Variants in PLEKHG7 observed in about 807,000 individuals in gnomAD.
PLEKHG7 encodes pleckstrin homology and RhoGEF domain containing G7.
In PLEKHG7, 77 loss-of-function variants were observed where a neutral mutation model predicts 85.2. The observed-to-expected ratio is 0.90, with a 90% confidence interval of 0.75 to 1.09. PLEKHG7 has a LOEUF of 1.09. Among genes scored for constraint, PLEKHG7 ranks in the 50% least tolerant of loss-of-function variants. The pLI, the probability that PLEKHG7 is intolerant of heterozygous loss-of-function variation, is 0.00. For synonymous variants in PLEKHG7, 301 were observed against 302.4 expected (o/e 1.00, Z 0.05); for missense variants, 777 against 804.3 (o/e 0.97, Z 0.41).
chr12:92,728,531 G>T (rs1871890441), intron 3 of PLEKHG7, among the ~76,000 whole-genome samples: 1 of 148,962 alleles, frequency 6.7e-6, no homozygotes, highest in Non-Finnish European at 1.5e-5. Context: ...ATCCCATGGT[G>T]TATATATAAA....
intron 1 of PLEKHG7, among the ~76,000 whole-genome samples, 179 bp downstream of exon 1, chr12:92,703,311 T>C (rs1871137377): frequency 6.6e-6 from 1 of 152,206 alleles, no homozygotes; most frequent in Non-Finnish European, 1.5e-5. Context: ...ACAGTGTGGG[T>C]GGGTGTTTGC....
intron 13 of PLEKHG7, 35 bp from the exon 14 acceptor site, chr12:92,761,717 C>T (rs1873039426): frequency 1.3e-6 from 2 of 1,534,720 alleles, no homozygotes; most frequent in Non-Finnish European, 1.7e-6. Flanking sequence ...TTAACAGTTT[C>T]AGGTCCCCAT....
chr12:92,729,122 T>C lies in PLEKHG7; in HGVS notation c.658+2T>C. On this transcript the variant is annotated splice_donor_variant, in intron 4 of 16. Coordinates refer to ENST00000344636, the MANE Select transcript of PLEKHG7 (RefSeq NM_001377329.1). LOFTEE classifies it high-confidence loss of function. ...ATCCACTTCTGCTGCTGAATTCAGG[T>C]TCTGTTCATTCAGTATACTTTCATT... 2.4e-6 allele frequency: 3 copies of C among 1,231,682 alleles called. No individual in the cohort carries two copies. Among genetic ancestry groups the C allele is most frequent in the Non-Finnish European group, 3.0e-6 (3 of 987,714 alleles). The allele number at this position is 1,231,682 out of a possible 1,614,324, so 76.3% of individuals were successfully genotyped here.
chr12:92,731,647 G>A (rs565166163), intron 4 of PLEKHG7, among the ~76,000 whole-genome samples: 4 of 152,242 alleles, frequency 2.6e-5, no homozygotes, highest in Admixed American at 6.5e-5. Context: ...ATTGAATAAC[G>A]GCTTCCTTCT....
intron 3 of PLEKHG7, among the ~76,000 whole-genome samples, chr12:92,716,711 T>TC (rs966136085): frequency 6.6e-6 from 1 of 152,234 alleles, no homozygotes; most frequent in African/African-American, 2.4e-5. Flanking sequence ...CTTTTGGGTT[T>TC]CCCCGCATCT....
intron 5 of PLEKHG7, among the ~76,000 whole-genome samples, chr12:92,735,673 C>T (rs1872125231): frequency 6.6e-6 from 1 of 151,940 alleles, no homozygotes; most frequent in Admixed American, 6.6e-5. Flanking sequence ...CATGATGTCG[C>T]AATAGAATAG....
At chr12:92,726,264 G>A (rs1871813760) in intron 3 of PLEKHG7, among the ~76,000 whole-genome samples, 1 of 152,158 alleles carries the variant, frequency 6.6e-6, no homozygotes, top group South Asian at 2.1e-4. Context: ...GGGATAGGGA[G>A]ACTAACAGGG....
chr12:92,761,661 AGAAAGAAAGAAAG>A, intron 13 of PLEKHG7, 78 bp from the exon 14 acceptor site: 1 of 1,340,298 alleles, frequency 7.5e-7, no homozygotes. Context: ...AAAGAAAGAA[AGAAAGAAAGAAAG>A]AAAGAAAGAA....
At chr12:92,744,906 A>T (rs1872483629) in intron 9 of PLEKHG7, among the ~76,000 whole-genome samples, 1 of 152,150 alleles carries the variant, frequency 6.6e-6, no homozygotes, top group South Asian at 2.1e-4. Context: ...GAGCTCAGGC[A>T]ATCCGCCTGC....
At chr12:92,730,136 A>G (rs1394433538) in intron 4 of PLEKHG7, among the ~76,000 whole-genome samples, 1 of 152,158 alleles carries the variant, frequency 6.6e-6, no homozygotes, top group Non-Finnish European at 1.5e-5. Flanking sequence ...ACCAGTGAAT[A>G]CATCATAACT....
intron 9 of PLEKHG7, among the ~76,000 whole-genome samples, chr12:92,742,233 C>G (rs1461543820): frequency 6.6e-6 from 1 of 152,130 alleles, no homozygotes; most frequent in African/African-American, 2.4e-5. Context: ...GGAGCCAATA[C>G]CCTGTACACA....
Position 92,761,791 on chromosome 12 carries a change from A to G in PLEKHG7, c.1676A>G (p.Asn559Ser), listed in dbSNP as rs1873042897. The change falls in exon 14 of 17, where the codon AAT becomes AGT. Residue 559 changes from asparagine (N) to serine (S), a missense_variant. By Grantham distance (46) the Asn-to-Ser change is conservative. Transcript: ENST00000344636. ...CTAGATGTTTATCTGTTTCTCTTCA[A>G]TGATTTCCTCTTAGTTACGAAAACT... The part of the protein sequence containing the change: ...RFLDVYLFLF[N>S]DFLLVTKTKC... The G allele has an allele frequency of 6.3e-7, 1 of 1,579,104 alleles. No individual in the cohort carries two copies. Among genetic ancestry groups the G allele is most frequent in the Non-Finnish European group, 8.6e-7 (1 of 1,168,198 alleles).
At chr12:92,752,291 TA>T (rs1872713126) in intron 10 of PLEKHG7, among the ~76,000 whole-genome samples, 1 of 152,026 alleles carries the variant, frequency 6.6e-6, no homozygotes, top group African/African-American at 2.4e-5. Flanking sequence ...TAAATACGTA[TA>T]CTCACAAAAC....
rs748188766 is a variant in PLEKHG7 at position 92,764,174 on chromosome 12, T to C, written c.1850T>C (p.Ile617Thr). 10 of 1,607,136 alleles carry C rather than the reference T, an allele frequency of 6.2e-6. No homozygotes were observed. In the Admixed American group the frequency reaches 1.3e-4, roughly 22 times the overall value. The change falls in exon 15 of 17, where the codon ATT becomes ACT. Residue 617 changes from isoleucine (I) to threonine (T), a missense_variant. Physicochemically the swap from Ile to Thr is moderately conservative, Grantham distance 89. Transcript: ENST00000344636. ...CTAGATAGATTGGTAGTCAAAAGTA[T>C]TGAACCACTCCATGTGTCAGGTATG... ...IPLDRLVVKS[I>T]EPLHVSVFGL...
At position 92,728,559 on chromosome 12, in the gene PLEKHG7, TTCCATGGTGTGTG is replaced by T. The variant is rs1393421159; in HGVS notation, c.531-432_531-420del. Among the ~76,000 whole-genome samples the T allele has an allele frequency of 5.4e-3, 783 of 143,760 alleles. 12 individuals are homozygous for T. Among genetic ancestry groups the T allele is most frequent in the African/African-American group, 0.021 (722 of 34,166 alleles). The allele number at this position is 143,760 out of a possible 152,430, so 94.3% of individuals were successfully genotyped here. On this transcript the variant is annotated intron_variant, in intron 3 of 16. Coordinates refer to ENST00000344636, the MANE Select transcript of PLEKHG7 (RefSeq NM_001377329.1). ...TATATAAATATATATATACACCACA[TTCCATGGTGTGTG>T]TATGTGTACACATACCACATTCCAT...
chr12:92,766,655 C>T (rs1383459178), intron 15 of PLEKHG7, among the ~76,000 whole-genome samples: 1 of 151,958 alleles, frequency 6.6e-6, no homozygotes, highest in Non-Finnish European at 1.5e-5. Context: ...CCAGCCTGGT[C>T]AACGTGGTGA....
chr12:92,770,972 TA>T lies in PLEKHG7; in HGVS notation c.*782del, dbSNP rs1472439473. Reference sequence around the variant, plus strand: ...TTTTGAAGAATGATGGTGTTTGCCATAAAAATACTTTCTGGTTTTGATTGGT... The same window carrying T: ...TTTTGAAGAATGATGGTGTTTGCCATAAAATACTTTCTGGTTTTGATTGGT... On this transcript the variant is annotated 3_prime_UTR_variant, in exon 17 of 17. Coordinates refer to ENST00000344636, the MANE Select transcript of PLEKHG7 (RefSeq NM_001377329.1). 4 of 147,410 alleles carry T rather than the reference TA, an allele frequency of 2.7e-5. No individual in the cohort carries two copies. The highest frequency in any genetic ancestry group is 1.0e-4 in the African/African-American group (4 of 40,024). 9.1% of individuals were successfully genotyped at this position (147,410 alleles called of 1,614,324 possible).
chr12:92,728,570 G>C (rs530894827), intron 3 of PLEKHG7, among the ~76,000 whole-genome samples: 1 of 141,546 alleles, frequency 7.1e-6, no homozygotes, highest in Admixed American at 6.8e-5. Flanking sequence ...TCCATGGTGT[G>C]TGTATGTGTA....
intron 5 of PLEKHG7, among the ~76,000 whole-genome samples, chr12:92,732,521 T>G (rs1162975740): frequency 6.6e-6 from 1 of 152,212 alleles, no homozygotes; most frequent in Non-Finnish European, 1.5e-5. Flanking sequence ...AAAGCAATCC[T>G]AATATAGTGA....
Sources: allele counts gnomAD v4.1 joint callset (sites outside exome capture counted in the v4.1 genomes callset), GRCh38; gene constraint gnomAD v4.1.1; transcripts MANE v1.5; gene names NCBI Gene and HGNC (gene_info 2026-07-23, HGNC 2026-07-21).